Variants in CRLF3 observed in about 807,000 individuals in gnomAD.
CRLF3 encodes cytokine receptor like factor 3, also known as cytokine receptor-like factor 3.
CRLF3 carries 33 observed loss-of-function variants against 55.0 expected under a neutral mutation model. The ratio of observed to expected loss-of-function variants is 0.60; its 90% CI spans 0.46 to 0.80. CRLF3 has a LOEUF of 0.80. Among genes scored for constraint, CRLF3 ranks in the 30% least tolerant of loss-of-function variants. CRLF3 has a pLI of 0.00. For missense variants in CRLF3, 494 were observed against 538.4 expected (o/e 0.92, Z 0.82); for synonymous variants, 238 against 196.8 (o/e 1.21, Z -1.75).
At chr17:30,822,467 G>C (rs1905026503) in intron 1 of CRLF3, among the ~76,000 whole-genome samples, 1 of 152,144 alleles carries the variant, frequency 6.6e-6, no homozygotes, top group African/African-American at 2.4e-5. Context: ...TTATTACTCA[G>C]TCTAGTCAGA....
At chr17:30,811,803 C>CAA (rs915710879) in intron 1 of CRLF3, among the ~76,000 whole-genome samples, 371 of 27,524 alleles carry the variant, frequency 0.013, 21 homozygotes, top group African/African-American at 0.033. Flanking sequence ...GACTCTGTCT[C>CAA]AAAAAAAAAA....
intron 2 of CRLF3, among the ~76,000 whole-genome samples, chr17:30,800,139 T>C (rs1383615007): frequency 1.3e-5 from 2 of 152,176 alleles, no homozygotes; most frequent in Non-Finnish European, 2.9e-5. Context: ...CCAGCACTCA[T>C]TCTGCAGAAG....
chr17:30,808,611 T>C (rs1904505435), intron 1 of CRLF3, among the ~76,000 whole-genome samples: 1 of 147,362 alleles, frequency 6.8e-6, no homozygotes, highest in Admixed American at 6.9e-5. Flanking sequence ...TATATATTTT[T>C]TTTTTGAGTC....
At chr17:30,810,718 C>T (rs893962128) in intron 1 of CRLF3, among the ~76,000 whole-genome samples, 2 of 152,102 alleles carry the variant, frequency 1.3e-5, no homozygotes, top group Admixed American at 6.6e-5. Flanking sequence ...ACTAAGCCAC[C>T]CAAAAGCTTA....
Position 30,803,875 on chromosome 17 carries a change from A to C in CRLF3, c.337+26T>G, listed in dbSNP as rs375223178. 2.6e-6 allele frequency: 4 copies of C among 1,545,846 alleles called. No individual in the cohort carries two copies. The African/African-American group carries it at 5.4e-5, about 21-fold the overall frequency. ...AGTGTGAAAATGGACGAATGCACTA[A>C]TACAACAGGCTCCCTGGTCCCCCAC... On this transcript the variant is annotated intron_variant, in intron 2 of 7. Coordinates refer to ENST00000324238, the MANE Select transcript of CRLF3 (RefSeq NM_015986.4).
At chr17:30,804,330 G>T (rs1904326461) in intron 1 of CRLF3, among the ~76,000 whole-genome samples, 1 of 152,076 alleles carries the variant, frequency 6.6e-6, no homozygotes, top group South Asian at 2.1e-4. Flanking sequence ...TCTTCACATG[G>T]TTACCTCTGT....
At position 30,791,429 on chromosome 17, in the gene CRLF3, ACTC is replaced by A. The variant is rs1263468658; in HGVS notation, c.959+1008_959+1010del. Among the ~76,000 whole-genome samples the A allele has an allele frequency of 7.3e-5, 11 of 150,752 alleles. 1 individual carries two copies. Among genetic ancestry groups the A allele is most frequent in the Non-Finnish European group, 1.6e-4 (11 of 67,732 alleles). ...ACCAGGTTGACCAGGCTGGTCTCGA[ACTC>A]CTGACCACAAGTGATCCAACCGCCT... On this transcript the variant is annotated intron_variant, in intron 6 of 7. Coordinates refer to ENST00000324238, the MANE Select transcript of CRLF3 (RefSeq NM_015986.4).
At chr17:30,815,795 T>C (rs74638246) in intron 1 of CRLF3, among the ~76,000 whole-genome samples, 34,855 of 149,722 alleles carry the variant, frequency 0.23, 6,019 homozygotes, top group African/African-American at 0.49. Flanking sequence ...CCGCCCGCCT[T>C]GGCCTCCCTA....
At chr17:30,794,994 T>A (rs1971888763) in intron 4 of CRLF3, among the ~76,000 whole-genome samples, 2 of 152,114 alleles carry the variant, frequency 1.3e-5, no homozygotes, top group African/African-American at 4.8e-5. Context: ...GACCTCATAA[T>A]TTTACACCTA....
intron 1 of CRLF3, among the ~76,000 whole-genome samples, chr17:30,820,990 G>A (rs942817657): frequency 6.6e-5 from 10 of 151,850 alleles, no homozygotes; most frequent in Non-Finnish European, 1.3e-4. Flanking sequence ...AGGAAGTCGA[G>A]GCTGCAGTGA....
intron 1 of CRLF3, among the ~76,000 whole-genome samples, chr17:30,807,512 CTTTCCTTTTTTTTTT>C: frequency 1.5e-5 from 1 of 65,680 alleles, no homozygotes; most frequent in African/African-American, 5.5e-5. Context: ...AAACAATTTT[CTTTCCTTTTTTTTTT>C]TTTTTTTTTT....
intron 6 of CRLF3, among the ~76,000 whole-genome samples, chr17:30,790,086 C>G (rs192560778): frequency 2.0e-5 from 3 of 151,612 alleles, no homozygotes; most frequent in Non-Finnish European, 4.4e-5. Context: ...TTAGACAAAA[C>G]AAACTAGTAT....
At position 30,793,463 on chromosome 17, in the gene CRLF3, T is replaced by G; in HGVS notation, c.813A>C (p.Thr271=). The G allele has an allele frequency of 1.2e-6, 2 of 1,613,750 alleles. No individual in the cohort carries two copies. Among genetic ancestry groups the G allele is most frequent in the East Asian group, 4.5e-5 (2 of 44,880 alleles). Residue 271 remains threonine, a synonymous_variant, in exon 5 of 8, where the codon ACA becomes ACC. Coordinates refer to ENST00000324238, the MANE Select transcript of CRLF3 (RefSeq NM_015986.4). The stretch of plus-strand genomic sequence containing the variant: ...TTAGCAGCATACCATGAGGCACCAA[T>G]GTGGAATGACCTATCTGGGGGACAC... The part of the protein sequence containing the change: ...PWSVPQIGHS[T]LVPHEWTAGF...
chr17:30,804,459 G>C (rs1904329848), intron 1 of CRLF3, among the ~76,000 whole-genome samples: 1 of 152,110 alleles, frequency 6.6e-6, no homozygotes, highest in Non-Finnish European at 1.5e-5. Context: ...TTAAATAACT[G>C]AAACTCTGTA....
Position 30,793,502 on chromosome 17 carries a change from C to T in CRLF3, c.774G>A (p.Glu258=), listed in dbSNP as rs898486799. Residue 258 remains glutamate (E), a synonymous_variant, in exon 5 of 8, where the codon GAG becomes GAA. Transcript: ENST00000324238. ...RVCARGDGRQ[E]WSPWSVPQIG... ...TCTGGGGGACACTCCAAGGACTCCA[C>T]TCCTGTCGGCCATCTCCTCGGGCGC... The T allele has an allele frequency of 5.0e-6, 8 of 1,614,066 alleles. No homozygotes were observed. Among genetic ancestry groups the T allele is most frequent in the African/African-American group, 4.0e-5 (3 of 74,928 alleles).
Position 30,796,099 on chromosome 17 carries a change from A to G in CRLF3, c.603+61T>C, listed in dbSNP as rs546261780. ...AAAAGTAGTCAACGAAAAAATCTGA[A>G]AGGCCTCCAAATCGCAAACCCATAA... On this transcript the variant is annotated intron_variant, in intron 4 of 7. Transcript: ENST00000324238. 10 of 1,224,340 alleles carry G rather than the reference A, an allele frequency of 8.2e-6. 1 individual carries two copies. The South Asian group carries it at 1.8e-4, about 22-fold the overall frequency. 75.8% of individuals were successfully genotyped at this position (1,224,340 alleles called of 1,614,324 possible).
chr17:30,792,289 A>C (rs922754005), intron 6 of CRLF3, 151 bp downstream of exon 6: 1 of 602,178 alleles, frequency 1.7e-6, no homozygotes, highest in African/African-American at 1.8e-5. Context: ...TGAGAAAACT[A>C]CAGCTACAGG....
intron 2 of CRLF3, among the ~76,000 whole-genome samples, chr17:30,797,940 A>ATT (rs561112215): frequency 7.2e-5 from 9 of 125,188 alleles, no homozygotes; most frequent in African/African-American, 2.1e-4. Context: ...ATGCCCAGCT[A>ATT]TTTTTTTTTT....
chr17:30,785,357 G>A (rs1442582320), intron 7 of CRLF3, among the ~76,000 whole-genome samples: 2 of 152,010 alleles, frequency 1.3e-5, no homozygotes, highest in African/African-American at 4.8e-5. Context: ...TTAGAGGCGT[G>A]ATCCACCGCG....
Sources: allele counts gnomAD v4.1 joint callset (sites outside exome capture counted in the v4.1 genomes callset), GRCh38; gene constraint gnomAD v4.1.1; transcripts MANE v1.5; gene names NCBI Gene and HGNC (gene_info 2026-07-23, HGNC 2026-07-21).